PPP1R9A: variants seen among roughly 807,000 people sequenced by gnomAD.
PPP1R9A encodes neurabin-1.
PPP1R9A carries 59 observed loss-of-function variants against 141.9 expected under a neutral mutation model. The ratio of observed to expected loss-of-function variants is 0.42; its 90% CI spans 0.34 to 0.52. The LOEUF is 0.52. PPP1R9A is among the 20% of genes least tolerant of loss of function. The probability of loss-of-function intolerance (pLI) is 0.10; values close to 1 mark genes in which losing one functional copy is unlikely to be tolerated. For synonymous variants in PPP1R9A, 500 were observed against 569.7 expected (o/e 0.88, Z 1.74); for missense variants, 1,444 against 1,611.9 (o/e 0.90, Z 1.78).
intron 5 of PPP1R9A, among the ~76,000 whole-genome samples, chr7:95,191,225 A>G (rs1487873053): frequency 6.6e-6 from 1 of 152,194 alleles, no homozygotes; most frequent in Admixed American, 6.5e-5. Context: ...TGGCCTGATA[A>G]TAAATGAAAA....
intron 2 of PPP1R9A, among the ~76,000 whole-genome samples, chr7:95,009,901 G>A (rs534037321): frequency 6.6e-6 from 1 of 152,156 alleles, no homozygotes; most frequent in African/African-American, 2.4e-5. Flanking sequence ...AGGTTTTGTA[G>A]GCTTGAGCAG....
At position 95,227,467 on chromosome 7, in the gene PPP1R9A, G is replaced by A. The variant is rs540874431; in HGVS notation, c.2112+1351G>A. Among the ~76,000 whole-genome samples the A allele has an allele frequency of 1.1e-4, 16 of 152,270 alleles. No homozygotes were observed. In the South Asian group the frequency reaches 2.9e-3, roughly 28 times the overall value. On this transcript the variant is annotated intron_variant, in intron 8 of 19. Transcript: ENST00000433360. ...GTTCCATAAATATTGTTTTAAGCAT[G>A]CACCATTGTGTAGAGTGATCTAGAC...
chr7:95,209,080 C>T (rs1791532382), intron 7 of PPP1R9A, among the ~76,000 whole-genome samples: 1 of 151,358 alleles, frequency 6.6e-6, no homozygotes, highest in South Asian at 2.1e-4. Flanking sequence ...TGGTTCTGTT[C>T]CTTTTCCTTA....
intron 6 of PPP1R9A, among the ~76,000 whole-genome samples, chr7:95,201,451 T>C (rs1789550146): frequency 6.6e-6 from 1 of 152,178 alleles, no homozygotes. Flanking sequence ...ATAGGAGAGA[T>C]GAAAGCTGTA....
chr7:95,202,466 C>A, intron 6 of PPP1R9A: 1 of 265,802 alleles, frequency 3.8e-6, no homozygotes, highest in Non-Finnish European at 5.8e-6. Flanking sequence ...AAATGTATAT[C>A]TGAATATATC....
chr7:95,222,727 T>C (rs1489274751), intron 7 of PPP1R9A, among the ~76,000 whole-genome samples: 3 of 152,054 alleles, frequency 2.0e-5, no homozygotes, highest in African/African-American at 4.8e-5. Context: ...TACTTTGTTA[T>C]AGTAATTTTG....
At chr7:94,957,473 G>A (rs1296910986) in intron 2 of PPP1R9A, among the ~76,000 whole-genome samples, 1 of 152,026 alleles carries the variant, frequency 6.6e-6, no homozygotes, top group Non-Finnish European at 1.5e-5. Flanking sequence ...CATATGGGAG[G>A]ATGAAAGTCA....
At chr7:94,937,410 T>C (rs1179554452) in intron 2 of PPP1R9A, among the ~76,000 whole-genome samples, 4 of 152,216 alleles carry the variant, frequency 2.6e-5, no homozygotes, top group Non-Finnish European at 4.4e-5. Flanking sequence ...TGAACTGAAC[T>C]TGAAACTTGA....
intron 8 of PPP1R9A, among the ~76,000 whole-genome samples, chr7:95,227,140 T>G (rs1174266849): frequency 6.6e-6 from 1 of 152,204 alleles, no homozygotes; most frequent in Non-Finnish European, 1.5e-5. Context: ...CAGCCCTTAT[T>G]TGGCCAAAGA....
At chr7:95,238,134 C>G (rs975789540) in intron 8 of PPP1R9A, among the ~76,000 whole-genome samples, 1 of 152,148 alleles carries the variant, frequency 6.6e-6, no homozygotes, top group Non-Finnish European at 1.5e-5. Flanking sequence ...TACCTCTCCT[C>G]TTGTTGCCAA....
chr7:95,092,878 C>T (rs1247401744), intron 2 of PPP1R9A, among the ~76,000 whole-genome samples: 2 of 152,130 alleles, frequency 1.3e-5, no homozygotes, highest in South Asian at 2.1e-4. Context: ...TGGTTTCTTC[C>T]AAAGTGAGAG....
chr7:95,262,134 CA>C (rs1290659746), intron 12 of PPP1R9A, among the ~76,000 whole-genome samples: 1 of 152,130 alleles, frequency 6.6e-6, no homozygotes, highest in African/African-American at 2.4e-5. Flanking sequence ...TTCTTGTAGG[CA>C]ACCCTGAGTG....
chr7:95,071,512 G>A (rs1813808434), intron 2 of PPP1R9A, among the ~76,000 whole-genome samples: 1 of 151,830 alleles, frequency 6.6e-6, no homozygotes, highest in Admixed American at 6.6e-5. Flanking sequence ...GGAGTACTGT[G>A]GATGCGTGGG....
chr7:94,978,170 G>A lies in PPP1R9A; in HGVS notation c.1395+66662G>A, dbSNP rs186964334. 8.7e-4 allele frequency among the ~76,000 whole-genome samples: 133 copies of A among 152,274 alleles called. 1 individual carries two copies. The highest frequency in any genetic ancestry group is 3.1e-3 in the African/African-American group (129 of 41,552). On this transcript the variant is annotated intron_variant, in intron 2 of 19. Transcript: ENST00000433360. ...AAGCCTGTGAACGTTGAGGGATAGG[G>A]AATGGGGAGTGGCATAATTCTCCTA...
In PPP1R9A at chr7:95,100,797, T is replaced by C. The variant is rs559448223; in HGVS notation, c.1396-10462T>C. Among the ~76,000 whole-genome samples the C allele has an allele frequency of 1.4e-4, 21 of 151,654 alleles. No homozygotes were observed. In the South Asian group the frequency reaches 1.9e-3, roughly 14 times the overall value. On this transcript the variant is annotated intron_variant, in intron 2 of 19. Coordinates refer to ENST00000433360, the MANE Select transcript of PPP1R9A (RefSeq NM_001166160.2). Reference sequence around the variant, plus strand: ...GAGCAGAAGAACAGAAAATAGGGCCTTGACTTGAGATTAATGCTTTTGACA... The same window carrying C: ...GAGCAGAAGAACAGAAAATAGGGCCCTGACTTGAGATTAATGCTTTTGACA...
rs1176362780 is a variant in PPP1R9A, at chr7:94,975,164, C to G, written c.1395+63656C>G. ...ATATAACATACTCTGGTCTCAAAATCAAATAAGCAGTGACATTGTGCTATA... is the reference window on the plus strand; with the variant it reads ...ATATAACATACTCTGGTCTCAAAATGAAATAAGCAGTGACATTGTGCTATA... On this transcript the variant is annotated intron_variant, in intron 2 of 19. Coordinates refer to ENST00000433360, the MANE Select transcript of PPP1R9A (RefSeq NM_001166160.2). 2.0e-5 allele frequency among the ~76,000 whole-genome samples: 3 copies of G among 151,954 alleles called. No individual in the cohort carries two copies. The East Asian group carries it at 5.8e-4, about 29-fold the overall frequency.
At chr7:95,054,111 T>C (rs944131905) in intron 2 of PPP1R9A, among the ~76,000 whole-genome samples, 3 of 148,714 alleles carry the variant, frequency 2.0e-5, no homozygotes, top group Admixed American at 2.0e-4. Flanking sequence ...GGTTCCCCAC[T>C]GTGTTTTTTT....
intron 5 of PPP1R9A, among the ~76,000 whole-genome samples, chr7:95,175,559 C>T (rs1832779416): frequency 6.6e-6 from 1 of 150,454 alleles, no homozygotes; most frequent in African/African-American, 2.4e-5. Context: ...AAAGTGAACT[C>T]TGGAAAAAGG....
intron 3 of PPP1R9A, among the ~76,000 whole-genome samples, chr7:95,117,196 C>T (rs1209534507): frequency 1.3e-5 from 2 of 151,938 alleles, no homozygotes; most frequent in Non-Finnish European, 2.9e-5. Context: ...TCTTTGCCGT[C>T]ATTTTATGGC....
Sources: gnomAD v4.1 joint callset for allele counts (sites outside exome capture counted in the v4.1 genomes callset) on GRCh38, gnomAD v4.1.1 for gene constraint, MANE v1.5 for transcripts, NCBI Gene and HGNC (gene_info 2026-07-23, HGNC 2026-07-21) for gene names.